The following IGF2 variants were observed in gnomAD, a reference collection of about 807,000 sequenced individuals.
IGF2 encodes the protein insulin-like growth factor 2.
In IGF2, 2 loss-of-function variants were observed where a neutral mutation model predicts 12.0. The observed-to-expected ratio is 0.17, with a 90% CI of 0.07 to 0.52. The LOEUF (loss-of-function observed/expected upper bound fraction) is 0.52. Ranked by LOEUF, IGF2 falls within the 20% of genes least tolerant of loss-of-function variation. IGF2 has a pLI of 0.95. For synonymous variants in IGF2, 105 were observed against 110.1 expected (o/e 0.95, Z 0.29); for missense variants, 211 against 268.0 (o/e 0.79, Z 1.48).
chr11:2,148,040 C>T, the IGF2 span: 1 of 388,210 alleles, frequency 2.6e-6, no homozygotes, highest in Non-Finnish European at 4.5e-6. The surrounding 1 kb of genome is among the most constrained non-coding windows in gnomAD (Gnocchi z 4.3). Context: ...GAAAGGGCTT[C>T]CCGGTGCTGA....
the IGF2 span, chr11:2,146,931 TGCACACGGGAAGCCCC>T: frequency 6.3e-6 from 1 of 157,482 alleles, no homozygotes; most frequent in African/African-American, 2.4e-5. Context: ...TCACCCCTCT[TGCACACGGGAAGCCCC>T]GCAGGCTCCT....
At chr11:2,142,168 G>A (rs1564902340), upstream of IGF2, among the ~76,000 whole-genome samples, 1 of 151,654 alleles carries the variant, frequency 6.6e-6, no homozygotes, top group Admixed American at 6.6e-5. This position sits in a 1 kb window ranked among gnomAD's most constrained non-coding sequence, Gnocchi z 5.7. Context: ...GGGGACCCAG[G>A]GCAGGGACCA....
chr11:2,141,913 T>C (rs964444588), upstream of IGF2, among the ~76,000 whole-genome samples: 1 of 152,212 alleles, frequency 6.6e-6, no homozygotes. Flanking sequence ...TTTTGGTAAA[T>C]AAGAAAAAGA....
At chr11:2,142,041 C>G (rs114418581), upstream of IGF2, among the ~76,000 whole-genome samples, 548 of 152,142 alleles carry the variant, frequency 3.6e-3, 4 homozygotes, top group African/African-American at 0.013. The surrounding 1 kb of genome is among the most constrained non-coding windows in gnomAD (Gnocchi z 5.7). Flanking sequence ...TTCTGGAAAC[C>G]TAGTTAGTAG....
chr11:2,133,342 G>C lies in IGF2; in HGVS notation c.307-119C>G, dbSNP rs983903769. On this transcript the variant is annotated intron_variant, in intron 3 of 3. Transcript: ENST00000416167. The surrounding 1 kb of genome is among the most constrained non-coding windows in gnomAD (Gnocchi z 8.9). ...ATCAGTGACTTGAGCTAATGTCCAC[G>C]GGCAGAGGGACAGAAGGAGCCAGCG... 26 of 1,000,656 alleles carry C rather than the reference G, an allele frequency of 2.6e-5. No individual in the cohort carries two copies. Among genetic ancestry groups the C allele is most frequent in the Non-Finnish European group, 3.3e-5 (23 of 690,036 alleles). The allele number at this position is 1,000,656 out of a possible 1,614,324, so 62.0% of individuals were successfully genotyped here.
At chr11:2,140,359 A>G, upstream of IGF2, 1 of 1,480,566 alleles carries the variant, frequency 6.8e-7, no homozygotes, top group African/African-American at 1.4e-5. Context: ...AAAACCACGC[A>G]CAAAATCCCG....
upstream of IGF2, chr11:2,140,622 C>T: frequency 1.9e-6 from 1 of 524,504 alleles, no homozygotes; most frequent in Non-Finnish European, 3.6e-6. Context: ...CAGCCGCTTT[C>T]CCCACAAATG....
the IGF2 span, chr11:2,149,133 C>G: frequency 2.5e-6 from 4 of 1,613,224 alleles, no homozygotes; most frequent in Non-Finnish European, 3.4e-6. Flanking sequence ...TACCTGTACT[C>G]TAGTCCCTGC....
intron 1 of IGF2, among the ~76,000 whole-genome samples, chr11:2,137,752 C>T (rs1859182975): frequency 6.6e-6 from 1 of 152,192 alleles, no homozygotes; most frequent in South Asian, 2.1e-4. Flanking sequence ...TGACTCCTGC[C>T]AACTCGGCCC....
At chr11:2,146,259 TCACCGCTCCGC>T in the IGF2 span, 5 of 533,652 alleles carry the variant, frequency 9.4e-6, no homozygotes, top group Admixed American at 9.7e-5. Flanking sequence ...GGCTCTGAGC[TCACCGCTCCGC>T]CGTCCGTGGG....
In IGF2 at chr11:2,130,265, C is replaced by G. The variant is rs1053276420; in HGVS notation, c.*2722G>C. 2 of 230,462 alleles carry G rather than the reference C, an allele frequency of 8.7e-6. No individual in the cohort carries two copies. The highest frequency in any genetic ancestry group is 8.6e-6 in the Non-Finnish European group (1 of 116,456). The allele number at this position is 230,462 out of a possible 1,614,324, so 14.3% of individuals were successfully genotyped here. A position where few individuals can be genotyped will look rare whatever the true frequency, so the allele number is the denominator to read the frequency against. Reference sequence around the variant, plus strand: ...CCTGAGGAGACCCTGCCCAACCCCCCCCTCCGCCCTCAGGACTTCTGGGGA... The same window carrying G: ...CCTGAGGAGACCCTGCCCAACCCCCGCCTCCGCCCTCAGGACTTCTGGGGA... On this transcript the variant is annotated 3_prime_UTR_variant, in exon 4 of 4. Coordinates refer to ENST00000416167, the MANE Select transcript of IGF2 (RefSeq NM_000612.6).
chr11:2,134,719 G>T (rs1164803735), intron 2 of IGF2, among the ~76,000 whole-genome samples: 1 of 152,078 alleles, frequency 6.6e-6, no homozygotes, highest in Non-Finnish European at 1.5e-5. Flanking sequence ...CCCCCTATCT[G>T]GGGGTGGGGT....
rs1436189427 is a variant in IGF2, at chr11:2,129,840, G to A, written c.*3147C>T. The A allele has an allele frequency of 4.7e-5, 11 of 232,240 alleles. No individual in the cohort carries two copies. The highest frequency in any genetic ancestry group is 7.7e-5 in the Non-Finnish European group (9 of 117,520). The allele number at this position is 232,240 out of a possible 1,614,324, so 14.4% of individuals were successfully genotyped here. On this transcript the variant is annotated 3_prime_UTR_variant, in exon 4 of 4. Coordinates refer to ENST00000416167, the MANE Select transcript of IGF2 (RefSeq NM_000612.6). The surrounding 1 kb of genome is among the most constrained non-coding windows in gnomAD (Gnocchi z 8.1). ...GGGCGAGGTAAACCTCCCAGAGGCC[G>A]AGTCCCTGCCGCAGCCCTAGGCGCC...
Position 2,133,720 on chromosome 11 carries a change from C to T in IGF2, c.158-55G>A. On this transcript the variant is annotated intron_variant, in intron 2 of 3. Transcript: ENST00000416167. The surrounding 1 kb of genome is among the most constrained non-coding windows in gnomAD (Gnocchi z 8.9). ...TGTTAGCACCGCACTGACCCCAGCCCCCGGAGGCTGAAGGGGGAGCAAACC... is the reference window on the plus strand; with the variant it reads ...TGTTAGCACCGCACTGACCCCAGCCTCCGGAGGCTGAAGGGGGAGCAAACC... 1 of 1,597,882 alleles carries T rather than the reference C, an allele frequency of 6.3e-7. No individual in the cohort carries two copies.
At chr11:2,142,226 A>T (rs2133622390), upstream of IGF2, among the ~76,000 whole-genome samples, 1 of 151,998 alleles carries the variant, frequency 6.6e-6, no homozygotes, top group Non-Finnish European at 1.5e-5. The surrounding 1 kb of genome is among the most constrained non-coding windows in gnomAD (Gnocchi z 5.7). Context: ...AAAAACCTCA[A>T]TTGTTTTGTG....
the IGF2 span, chr11:2,148,862 G>GA: frequency 1.3e-5 from 7 of 527,416 alleles, no homozygotes; most frequent in East Asian, 2.2e-4. The surrounding 1 kb of genome is among the most constrained non-coding windows in gnomAD (Gnocchi z 4.3). Flanking sequence ...ATTAGTCAAG[G>GA]AAAACCTATT....
Position 2,138,200 on chromosome 11 carries a change from C to CCCCGG in IGF2, c.-7+24_-7+28dup, listed in dbSNP as rs1463701997. 76 of 982,982 alleles carry CCCCGG rather than the reference C, an allele frequency of 7.7e-5. No homozygotes were observed. In the African/African-American group the frequency reaches 1.1e-3, roughly 14 times the overall value. 60.9% of individuals were successfully genotyped at this position (982,982 alleles called of 1,614,324 possible). The stretch of plus-strand genomic sequence containing the variant: ...CAAGCCCGCGCCGCCCCAGCCCCGG[C>CCCCGG]CCCGGCCCGGCCCGCACACGCCGCT... On this transcript the variant is annotated intron_variant, in intron 1 of 3. Transcript: ENST00000416167.
upstream of IGF2, among the ~76,000 whole-genome samples, chr11:2,141,569 G>A (rs148135494): frequency 1.7e-3 from 266 of 152,278 alleles, 1 homozygote; most frequent in African/African-American, 6.0e-3. Flanking sequence ...GCCATATTAC[G>A]TAAAATTGGC....
At chr11:2,134,652 C>G (rs1235241562) in intron 2 of IGF2, among the ~76,000 whole-genome samples, 1 of 152,184 alleles carries the variant, frequency 6.6e-6, no homozygotes, top group Non-Finnish European at 1.5e-5. Flanking sequence ...GGAGCGGCCC[C>G]TCCCCTGCCC....
Sources: gnomAD v4.1 joint callset for allele counts (sites outside exome capture counted in the v4.1 genomes callset) on GRCh38, gnomAD v4.1.1 for gene constraint, Gnocchi (gnomAD v3.1) non-coding constraint, MANE v1.5 for transcripts, NCBI Gene and HGNC (gene_info 2026-07-23, HGNC 2026-07-21) for gene names.